WARS2: variants seen among roughly 807,000 people sequenced by gnomAD.
WARS2 encodes the protein tryptophanyl tRNA synthetase 2, mitochondrial, also known as tryptophan--tRNA ligase, mitochondrial.
WARS2 carries 28 observed loss-of-function variants against 36.5 expected under a neutral mutation model. The ratio of observed to expected loss-of-function variants is 0.77; its 90% confidence interval spans 0.57 to 1.05. The LOEUF is 1.05. Among genes scored for constraint, WARS2 ranks in the 50% least tolerant of loss-of-function variants. WARS2 has a pLI of 0.00. For synonymous variants in WARS2, 174 were observed against 178.4 expected, an observed-to-expected ratio of 0.98 and a Z score of 0.20; for missense variants, 435 against 456.8, an observed-to-expected ratio of 0.95 and a Z score of 0.44.
chr1:119,135,466 G>A (rs1177343627), intron 1 of WARS2, among the ~76,000 whole-genome samples: 2 of 152,188 alleles, frequency 1.3e-5, no homozygotes, highest in African/African-American at 2.4e-5. Context: ...GAAAAGCATA[G>A]GCAAGACTAG....
At chr1:119,051,566 T>G (rs967092395) in intron 2 of WARS2, among the ~76,000 whole-genome samples, 6 of 152,126 alleles carry the variant, frequency 3.9e-5, no homozygotes, top group African/African-American at 1.4e-4. Context: ...GTAATGGGAT[T>G]ACTGGGTCGA....
intron 1 of WARS2, among the ~76,000 whole-genome samples, chr1:119,121,652 G>T (rs1309939336): frequency 6.6e-6 from 1 of 152,050 alleles, no homozygotes; most frequent in East Asian, 1.9e-4. Flanking sequence ...ATACTACAAG[G>T]TTATAATTAC....
At chr1:119,046,772 G>A (rs1398082729) in intron 2 of WARS2, among the ~76,000 whole-genome samples, 1 of 129,666 alleles carries the variant, frequency 7.7e-6, no homozygotes, top group East Asian at 2.0e-4. Flanking sequence ...CATCAACTGT[G>A]GCTTTTTTTT....
At chr1:119,139,443 A>G (rs1274836969) in intron 1 of WARS2, among the ~76,000 whole-genome samples, 3 of 152,210 alleles carry the variant, frequency 2.0e-5, no homozygotes, top group Non-Finnish European at 4.4e-5. Flanking sequence ...TCATGGAACT[A>G]TAGATTTTCC....
chr1:119,039,990 A>G (rs1648213740), intron 4 of WARS2, among the ~76,000 whole-genome samples: 1 of 152,344 alleles, frequency 6.6e-6, no homozygotes, highest in Admixed American at 6.5e-5. Context: ...AATGTGTGGA[A>G]CAAAGCAAAA....
Position 119,052,102 on chromosome 1 carries a change from A to AT in WARS2, c.349-6441dup, listed in dbSNP as rs1486623574. On this transcript the variant is annotated intron_variant, in intron 2 of 5. Coordinates refer to ENST00000235521, the MANE Select transcript of WARS2 (RefSeq NM_015836.4). ...GATTTGAGATGGGCTAATTTTTAAT[A>AT]TTTTTTTAATTTCAAAAATATTTAA... is the stretch of plus-strand genomic sequence containing the variant. Among the ~76,000 whole-genome samples the AT allele has an allele frequency of 3.9e-5, 6 of 152,114 alleles. No individual in the cohort carries two copies. In the East Asian group the frequency reaches 9.7e-4, roughly 24 times the overall value.
intron 1 of WARS2, chr1:119,085,421 C>G: frequency 6.8e-7 from 1 of 1,473,636 alleles, no homozygotes. Context: ...AGGATGGTTG[C>G]TCTGCCTGTA....
At chr1:119,053,772 G>A (rs1413018259) in intron 2 of WARS2, among the ~76,000 whole-genome samples, 1 of 152,140 alleles carries the variant, frequency 6.6e-6, no homozygotes, top group African/African-American at 2.4e-5. Context: ...AAGGCCAGGT[G>A]CGGTGGCTCA....
chr1:119,108,977 G>A (rs587734021), intron 1 of WARS2, among the ~76,000 whole-genome samples: 41 of 151,960 alleles, frequency 2.7e-4, no homozygotes, highest in African/African-American at 6.5e-4. Flanking sequence ...TTTGAGCACC[G>A]TGTTATTATA....
Position 119,140,612 on chromosome 1 carries a change from C to T in WARS2, c.33G>A (p.Glu11=). 6 of 1,613,926 alleles carry T rather than the reference C, an allele frequency of 3.7e-6. No individual in the cohort carries two copies. Among genetic ancestry groups the T allele is most frequent in the Middle Eastern group, 1.7e-4 (1 of 6,060 alleles). Residue 11 remains glutamate, a synonymous_variant, in exon 1 of 6, where the codon GAG becomes GAA. Transcript: ENST00000235521. ...GAAGTGCCCGGATGAAGCTCCAGCG[C>T]TCACGCGCTTTCCGCATTGAGTGCA... MALHSMRKAR[E]RWSFIRALHK...
At position 119,031,775 on chromosome 1, in the gene WARS2, T is replaced by C. The variant is rs946137050; in HGVS notation, c.*1136A>G. On this transcript the variant is annotated 3_prime_UTR_variant, in exon 6 of 6. Transcript: ENST00000235521. ...TCATTGGGAATATCTGATTTGTCAG[T>C]CTTCACTGCTATTGTAGACTGGCAG... The C allele has an allele frequency of 1.3e-5, 2 of 152,336 alleles. No homozygotes were observed. Among genetic ancestry groups the C allele is most frequent in the African/African-American group, 4.8e-5 (2 of 41,458 alleles). The allele number at this position is 152,336 out of a possible 1,614,324, so 9.4% of individuals were successfully genotyped here.
chr1:119,086,996 C>A (rs587700992), intron 1 of WARS2, among the ~76,000 whole-genome samples: 1 of 152,220 alleles, frequency 6.6e-6, no homozygotes, highest in South Asian at 2.1e-4. Context: ...CTCACTGATT[C>A]TGAGACTCTT....
chr1:119,118,583 T>G (rs1224064925), intron 1 of WARS2, among the ~76,000 whole-genome samples: 1 of 149,362 alleles, frequency 6.7e-6, no homozygotes, highest in Non-Finnish European at 1.5e-5. Flanking sequence ...TCAAAGAACA[T>G]CTGGGAAATT....
At chr1:119,127,972 CTT>C (rs1382033298) in intron 1 of WARS2, among the ~76,000 whole-genome samples, 2 of 152,174 alleles carry the variant, frequency 1.3e-5, no homozygotes, top group African/African-American at 2.4e-5. Context: ...TTTCTCACCT[CTT>C]CTCTCATTGT....
chr1:119,128,788 A>G (rs985048515), intron 1 of WARS2, among the ~76,000 whole-genome samples: 3 of 152,054 alleles, frequency 2.0e-5, no homozygotes, highest in Non-Finnish European at 2.9e-5. Flanking sequence ...TTATATCCAC[A>G]TGGTTGGTAA....
intron 1 of WARS2, among the ~76,000 whole-genome samples, chr1:119,096,028 G>A (rs1653415863): frequency 6.6e-6 from 1 of 152,150 alleles, no homozygotes; most frequent in Non-Finnish European, 1.5e-5. Context: ...TGCTCTGTGT[G>A]TGTCTATGTG....
chr1:119,102,655 T>G lies in WARS2; in HGVS notation c.91-26048A>C, dbSNP rs1653956611. ...CTTGGGCCATTTCTCCCTTTCCTAC[T>G]CTTCCCAAATATTCCTTTAAGAACT... is the stretch of plus-strand genomic sequence containing the variant. On this transcript the variant is annotated intron_variant, in intron 1 of 5. Coordinates refer to ENST00000235521, the MANE Select transcript of WARS2 (RefSeq NM_015836.4). Among the ~76,000 whole-genome samples, 5 of 152,340 alleles carry G rather than the reference T, an allele frequency of 3.3e-5. No individual in the cohort carries two copies. In the South Asian group the frequency reaches 1.0e-3, roughly 32 times the overall value.
intron 1 of WARS2, among the ~76,000 whole-genome samples, chr1:119,086,197 A>C (rs1652649352): frequency 6.6e-6 from 1 of 152,156 alleles, no homozygotes; most frequent in Non-Finnish European, 1.5e-5. Context: ...TCAAGTGTTC[A>C]TTCTGGGGGT....
intron 2 of WARS2, among the ~76,000 whole-genome samples, chr1:119,048,976 T>C (rs918427525): frequency 6.6e-6 from 1 of 151,882 alleles, no homozygotes; most frequent in South Asian, 2.1e-4. Flanking sequence ...GGCGGGGGAA[T>C]CTCTTGAATC....
Sources: allele counts gnomAD v4.1 joint callset (sites outside exome capture counted in the v4.1 genomes callset), GRCh38; gene constraint gnomAD v4.1.1; transcripts MANE v1.5; gene names NCBI Gene and HGNC (gene_info 2026-07-23, HGNC 2026-07-21).